The following MSN variants were observed in gnomAD, a reference collection of about 807,000 sequenced individuals.
MSN encodes moesin, also known as epididymis luminal protein 70.
In MSN, 2 loss-of-function variants were observed where a neutral mutation model predicts 48.0. The ratio of observed to expected loss-of-function variants is 0.04; its 90% CI spans 0.02 to 0.13. The LOEUF is 0.13. Among genes scored for constraint, MSN ranks in the 10% least tolerant of loss-of-function variants. The pLI is 1.00. For missense variants in MSN, 267 were observed against 470.1 expected (o/e 0.57, Z 3.99); for synonymous variants, 146 against 166.9 (o/e 0.87, Z 0.97).
intron 1 of MSN, among the ~76,000 whole-genome samples, chrX:65,678,347 T>C (rs184928545): frequency 3.4e-3 from 383 of 111,284 alleles, no homozygotes; most frequent in African/African-American, 0.012. Context: ...GGAATGACTG[T>C]GATTTCTCCA....
At chrX:65,716,569 C>T (rs2071467801) in intron 1 of MSN, 1 of 421,392 alleles carries the variant, frequency 2.4e-6, no homozygotes, top group Non-Finnish European at 4.4e-6. Flanking sequence ...AGGCATTGCA[C>T]CCGGCCTTCA....
intron 1 of MSN, among the ~76,000 whole-genome samples, chrX:65,650,377 T>G (rs1361356568): frequency 8.9e-6 from 1 of 112,360 alleles, no homozygotes; most frequent in Non-Finnish European, 1.9e-5. Context: ...CATGAGCCAC[T>G]GCACCCAGCC....
intron 2 of MSN, among the ~76,000 whole-genome samples, chrX:65,721,876 A>G (rs1392866297): frequency 9.0e-6 from 1 of 111,588 alleles, no homozygotes; most frequent in Non-Finnish European, 1.9e-5. Flanking sequence ...TGAGGCTAGG[A>G]GCTTCAGACC....
At chrX:65,695,176 G>T (rs967745526) in intron 1 of MSN, among the ~76,000 whole-genome samples, 1 of 109,978 alleles carries the variant, frequency 9.1e-6, no homozygotes, top group African/African-American at 3.3e-5. Context: ...AGGTCTATCT[G>T]TAGGTAGGCA....
chrX:65,689,648 T>G (rs1005061865), intron 1 of MSN, among the ~76,000 whole-genome samples: 3 of 111,184 alleles, frequency 2.7e-5, no homozygotes, highest in Non-Finnish European at 5.7e-5. Context: ...CAAAAGGCTG[T>G]GGATGCAGGA....
intron 1 of MSN, among the ~76,000 whole-genome samples, chrX:65,677,066 G>A: frequency 9.0e-6 from 1 of 111,663 alleles, no homozygotes; most frequent in Non-Finnish European, 1.9e-5. Flanking sequence ...GACCTCGGGT[G>A]ATCTGCCTGC....
chrX:65,727,457 A>T (rs1195355675), intron 2 of MSN, among the ~76,000 whole-genome samples: 1 of 112,078 alleles, frequency 8.9e-6, no homozygotes, highest in African/African-American at 3.2e-5. Flanking sequence ...CACAACCTGA[A>T]ACTTGGGCAA....
rs141793544 is a variant in MSN, at chrX:65,729,522, T to C, written c.277T>C (p.Leu93=). 3.3e-6 allele frequency: 4 copies of C among 1,210,025 alleles called. No individual in the cohort carries two copies. The African/African-American group carries it at 7.0e-5, about 21-fold the overall frequency. The change falls in exon 4 of 13, where the codon TTG becomes CTG. Residue 93 remains leucine, a synonymous_variant. Coordinates refer to ENST00000360270, the MANE Select transcript of MSN (RefSeq NM_002444.3). ...KFYPEDVSEE[L]IQDITQRLFF... Reference sequence around the variant, plus strand: ...CTACCCTGAGGATGTGTCCGAGGAATTGATTCAGGACATCACTCAGCGCCT... The same window carrying C: ...CTACCCTGAGGATGTGTCCGAGGAACTGATTCAGGACATCACTCAGCGCCT...
chrX:65,644,178 G>A (rs1403624605), intron 1 of MSN, among the ~76,000 whole-genome samples: 2 of 112,113 alleles, frequency 1.8e-5, no homozygotes, highest in Non-Finnish European at 3.8e-5. Flanking sequence ...TACCTGCCAG[G>A]CTGAAAAGGT....
chrX:65,617,620 G>A (rs1441516605), intron 1 of MSN, among the ~76,000 whole-genome samples: 1 of 101,409 alleles, frequency 9.9e-6, no homozygotes, highest in East Asian at 3.0e-4. Flanking sequence ...AGTCTTGCTA[G>A]CGGTCTATCA....
At chrX:65,594,047 A>G (rs916692049) in intron 1 of MSN, among the ~76,000 whole-genome samples, 4 of 111,903 alleles carry the variant, frequency 3.6e-5, no homozygotes, top group African/African-American at 1.3e-4. Context: ...GGTTGTAGGC[A>G]GAGAGGTTTC....
chrX:65,697,940 T>C (rs932161413), intron 1 of MSN, among the ~76,000 whole-genome samples: 1 of 112,165 alleles, frequency 8.9e-6, no homozygotes, highest in African/African-American at 3.2e-5. Context: ...GGAGATTTAC[T>C]GTAGATTATT....
intron 1 of MSN, among the ~76,000 whole-genome samples, chrX:65,659,123 TGTGAGCC>T (rs1395062994): frequency 9.2e-6 from 1 of 108,637 alleles, no homozygotes; most frequent in Non-Finnish European, 1.9e-5. Flanking sequence ...GGATTACAGG[TGTGAGCC>T]ACCGTGCCTG....
chrX:65,616,931 TG>T (rs1469268944), intron 1 of MSN, among the ~76,000 whole-genome samples: 6 of 111,098 alleles, frequency 5.4e-5, no homozygotes, highest in African/African-American at 2.0e-4. Flanking sequence ...TGTTGAATTT[TG>T]TCAAAGGCCT....
At chrX:65,595,885 C>G (rs184986621) in intron 1 of MSN, among the ~76,000 whole-genome samples, 8 of 112,010 alleles carry the variant, frequency 7.1e-5, no homozygotes, top group African/African-American at 2.3e-4. Context: ...AATGCCAGTT[C>G]AGAACTTTTG....
At chrX:65,645,231 C>T (rs1232749663) in intron 1 of MSN, among the ~76,000 whole-genome samples, 1 of 111,929 alleles carries the variant, frequency 8.9e-6, no homozygotes, top group Non-Finnish European at 1.9e-5. Flanking sequence ...TATCAGGACC[C>T]TCCTCGCTTC....
Position 65,741,077 on chromosome X carries a change from T to C in MSN, c.*1184T>C. The C allele has an allele frequency of 5.9e-6, 1 of 168,678 alleles. No homozygotes were observed. The highest frequency in any genetic ancestry group is 1.1e-5 in the Non-Finnish European group (1 of 87,520). The allele number at this position is 168,678 out of a possible 1,213,427, so 13.9% of individuals were successfully genotyped here. On this transcript the variant is annotated 3_prime_UTR_variant, in exon 13 of 13. Coordinates refer to ENST00000360270, the MANE Select transcript of MSN (RefSeq NM_002444.3). ...GTGACCAAAATCCCCTTCTCATCAC[T>C]CCCCTCCAAAGAGGTGACTGGGCCC...
intron 1 of MSN, among the ~76,000 whole-genome samples, chrX:65,648,612 C>T: frequency 9.0e-6 from 1 of 110,885 alleles, no homozygotes; most frequent in Admixed American, 9.6e-5. Context: ...GTGGCCCACG[C>T]CTGTAATCCC....
intron 1 of MSN, among the ~76,000 whole-genome samples, chrX:65,612,649 C>A: frequency 9.1e-6 from 1 of 109,386 alleles, no homozygotes; most frequent in Non-Finnish European, 1.9e-5. Context: ...CCACCTCCTC[C>A]TCCTGGGTTC....
Sources: gnomAD v4.1 joint callset for allele counts (sites outside exome capture counted in the v4.1 genomes callset) on GRCh38, gnomAD v4.1.1 for gene constraint, MANE v1.5 for transcripts, NCBI Gene and HGNC (gene_info 2026-07-23, HGNC 2026-07-21) for gene names.